The following SLC25A26 variants were observed in gnomAD, a reference collection of about 807,000 sequenced individuals.
SLC25A26 encodes mitochondrial S-adenosylmethionine carrier protein.
A neutral mutation model predicts 37.8 loss-of-function variants in SLC25A26; 36 were observed. That is an observed-to-expected ratio of 0.95 (90% CI 0.73 to 1.26). The LOEUF (loss-of-function observed/expected upper bound fraction) is 1.26, where lower values mean the gene tolerates loss of function less well. SLC25A26 is among the 50% of genes most tolerant of loss of function. SLC25A26 has a pLI of 0.00. For missense variants in SLC25A26, 390 were observed against 331.1 expected (o/e 1.18, Z -1.38); for synonymous variants, 129 against 122.5 (o/e 1.05, Z -0.35).
rs141919667 is a variant in SLC25A26, at chr3:66,264,057, A to G, written c.453+678A>G. 6.4e-3 allele frequency among the ~76,000 whole-genome samples: 980 copies of G among 152,236 alleles called. 7 individuals carry two copies. The highest frequency in any genetic ancestry group is 8.4e-3 in the Non-Finnish European group (569 of 68,014). On this transcript the variant is annotated intron_variant, in intron 5 of 9. Transcript: ENST00000354883. The stretch of plus-strand genomic sequence containing the variant: ...CAGTTTGGGAGGCCGAGGCAGAAAG[A>G]TCACCTGAGGCAAGTTCGAAACCAA...
At chr3:66,230,678 G>T (rs939544985) in intron 1 of SLC25A26, among the ~76,000 whole-genome samples, 1 of 151,760 alleles carries the variant, frequency 6.6e-6, no homozygotes, top group South Asian at 2.1e-4. Context: ...GGTGGCTCAC[G>T]CCTGTAATCC....
intron 3 of SLC25A26, among the ~76,000 whole-genome samples, chr3:66,257,252 TAAAG>T (rs145297608): frequency 0.012 from 1,852 of 152,236 alleles, 37 homozygotes; most frequent in African/African-American, 0.041. Flanking sequence ...AAAGATACCA[TAAAG>T]ATTTCTGGTC....
intron 5 of SLC25A26, among the ~76,000 whole-genome samples, chr3:66,343,525 T>C (rs1276399971): frequency 6.6e-6 from 1 of 152,234 alleles, no homozygotes; most frequent in African/African-American, 2.4e-5. Flanking sequence ...TAAAATTATT[T>C]CTTTAAACTG....
At chr3:66,285,800 T>C (rs1019296688) in intron 5 of SLC25A26, among the ~76,000 whole-genome samples, 1 of 152,048 alleles carries the variant, frequency 6.6e-6, no homozygotes, top group Non-Finnish European at 1.5e-5. Context: ...TTCTGGTGTT[T>C]CTGAGGCCTG....
chr3:66,310,954 C>G (rs992695209), intron 5 of SLC25A26, among the ~76,000 whole-genome samples: 2 of 152,158 alleles, frequency 1.3e-5, no homozygotes, highest in African/African-American at 4.8e-5. Context: ...CTTGGTGAAT[C>G]TGATGATTAT....
intron 5 of SLC25A26, among the ~76,000 whole-genome samples, chr3:66,286,075 T>G: frequency 6.6e-6 from 1 of 152,260 alleles, no homozygotes; most frequent in East Asian, 1.9e-4. Context: ...TTTGGGAGTT[T>G]CGAAAGTTCT....
chr3:66,199,993 A>G (rs1164763103), intron 1 of SLC25A26, among the ~76,000 whole-genome samples: 1 of 152,218 alleles, frequency 6.6e-6, no homozygotes, highest in Non-Finnish European at 1.5e-5. Context: ...GTAACTTGCA[A>G]TATGAAAATA....
intron 1 of SLC25A26, among the ~76,000 whole-genome samples, chr3:66,147,703 C>G (rs1251893259): frequency 6.6e-6 from 1 of 152,144 alleles, no homozygotes; most frequent in Admixed American, 6.5e-5. Context: ...ACATTCCCAC[C>G]AGCAATGTAA....
chr3:66,246,149 G>A (rs1476702304), intron 3 of SLC25A26, among the ~76,000 whole-genome samples: 15 of 152,134 alleles, frequency 9.9e-5, no homozygotes, highest in Admixed American at 9.8e-4. Context: ...GTTAGTAGTT[G>A]GTTTCTTTTT....
intron 1 of SLC25A26, among the ~76,000 whole-genome samples, chr3:66,224,210 A>G (rs2071632394): frequency 6.6e-6 from 1 of 152,196 alleles, no homozygotes; most frequent in Non-Finnish European, 1.5e-5. Flanking sequence ...AGCACTAAGT[A>G]TTTTTGGTGG....
At chr3:66,354,984 T>G (rs2076542908) in intron 6 of SLC25A26, among the ~76,000 whole-genome samples, 1 of 152,158 alleles carries the variant, frequency 6.6e-6, no homozygotes, top group African/African-American at 2.4e-5. Context: ...TGCCCAGTCT[T>G]GAGTATGTCT....
At chr3:66,321,580 C>G (rs1012594378) in intron 5 of SLC25A26, among the ~76,000 whole-genome samples, 4 of 152,036 alleles carry the variant, frequency 2.6e-5, no homozygotes, top group African/African-American at 9.7e-5. Flanking sequence ...AATTGTGTGT[C>G]CAGTGGGTGG....
intron 1 of SLC25A26, among the ~76,000 whole-genome samples, chr3:66,203,921 C>T (rs2071140280): frequency 1.3e-5 from 2 of 152,286 alleles, no homozygotes; most frequent in South Asian, 4.1e-4. Context: ...ATGAAATTAT[C>T]TTTGTATTCC....
intron 1 of SLC25A26, among the ~76,000 whole-genome samples, chr3:66,228,974 A>G (rs2071885409): frequency 1.3e-5 from 2 of 152,198 alleles, no homozygotes; most frequent in African/African-American, 4.8e-5. Context: ...TTGCTAGTGA[A>G]AAACTTGAAT....
At chr3:66,287,035 G>A (rs956621041) in intron 5 of SLC25A26, among the ~76,000 whole-genome samples, 6 of 152,158 alleles carry the variant, frequency 3.9e-5, no homozygotes, top group Middle Eastern at 3.4e-3. Context: ...GGTGGCTCAC[G>A]CCTGCAATCC....
At chr3:66,309,116 C>T (rs1481322458) in intron 5 of SLC25A26, among the ~76,000 whole-genome samples, 1 of 150,816 alleles carries the variant, frequency 6.6e-6, no homozygotes, top group African/African-American at 2.4e-5. Context: ...AATGGTACCT[C>T]TGGTAGAATT....
intron 1 of SLC25A26, among the ~76,000 whole-genome samples, chr3:66,222,522 C>T (rs1365505500): frequency 6.6e-6 from 1 of 152,220 alleles, no homozygotes; most frequent in African/African-American, 2.4e-5. Context: ...TAGCTGGTGA[C>T]ACAGCAGCAG....
At chr3:66,208,885 T>TATATATAC (rs1196757082) in intron 1 of SLC25A26, among the ~76,000 whole-genome samples, 9 of 105,592 alleles carry the variant, frequency 8.5e-5, no homozygotes, top group Non-Finnish European at 1.5e-4. Flanking sequence ...TATATATATA[T>TATATATAC]ACACCTTTAT....
chr3:66,364,335 C>CT (rs2076778596), intron 7 of SLC25A26, among the ~76,000 whole-genome samples: 1 of 152,204 alleles, frequency 6.6e-6, no homozygotes, highest in African/African-American at 2.4e-5. Flanking sequence ...CAGACATCCT[C>CT]TATCTATGTG....
Sources: allele counts gnomAD v4.1 joint callset (sites outside exome capture counted in the v4.1 genomes callset), GRCh38; gene constraint gnomAD v4.1.1; transcripts MANE v1.5; gene names NCBI Gene and HGNC (gene_info 2026-07-23, HGNC 2026-07-21).